Variants in ERP44 observed in about 807,000 individuals in gnomAD.
The protein encoded by ERP44 is endoplasmic reticulum resident protein 44.
In ERP44, 25 loss-of-function variants were observed where a neutral mutation model predicts 53.4. That is an observed-to-expected ratio of 0.47 (90% CI 0.34 to 0.65). The LOEUF (loss-of-function observed/expected upper bound fraction) is 0.65. Ranked by LOEUF, ERP44 falls within the 30% of genes least tolerant of loss-of-function variation. The probability of loss-of-function intolerance (pLI) is 0.01; values close to 1 mark genes in which losing one functional copy is unlikely to be tolerated. For missense variants in ERP44, 338 were observed against 493.2 expected (o/e 0.69, Z 2.98); for synonymous variants, 145 against 161.2 (o/e 0.90, Z 0.76).
At chr9:99,988,767 CCT>C (rs982872431) in intron 10 of ERP44, among the ~76,000 whole-genome samples, 21 of 152,222 alleles carry the variant, frequency 1.4e-4, no homozygotes, top group African/African-American at 4.3e-4. Context: ...GGGGGATTTA[CCT>C]TTCCTAGCCA....
chr9:100,030,003 A>G (rs961143478), intron 4 of ERP44, among the ~76,000 whole-genome samples: 2 of 152,224 alleles, frequency 1.3e-5, no homozygotes, highest in Non-Finnish European at 2.9e-5. Flanking sequence ...CGGGAGAATC[A>G]CTTGAACCCA....
intron 10 of ERP44, among the ~76,000 whole-genome samples, chr9:100,002,792 G>A (rs1830392013): frequency 6.6e-6 from 1 of 152,074 alleles, no homozygotes; most frequent in Non-Finnish European, 1.5e-5. Flanking sequence ...TTATGTGTTG[G>A]CGTAGTCTTT....
rs531446778 is a variant in ERP44, at chr9:100,064,357, G to A, written c.58-4185C>T. Among the ~76,000 whole-genome samples the A allele has an allele frequency of 1.2e-4, 18 of 152,300 alleles. No homozygotes were observed. The South Asian group carries it at 3.7e-3, about 32-fold the overall frequency. ...TAACACACTAAGAATTTAGAGAGAC[G>A]ATATTGGATATGAGAAGTAGGAGGA... On this transcript the variant is annotated intron_variant, in intron 1 of 11. Coordinates refer to ENST00000262455, the MANE Select transcript of ERP44 (RefSeq NM_015051.3).
At chr9:100,065,100 C>A (rs1459786693) in intron 1 of ERP44, among the ~76,000 whole-genome samples, 1 of 152,194 alleles carries the variant, frequency 6.6e-6, no homozygotes, top group Non-Finnish European at 1.5e-5. Flanking sequence ...TCATCACTCA[C>A]TGACTCACCC....
rs201339103 is a variant in ERP44, at chr9:99,985,030, A to G, written c.1056T>C (p.His352=). 7.4e-6 allele frequency: 12 copies of G among 1,613,654 alleles called. No individual in the cohort carries two copies. In the East Asian group the frequency reaches 2.7e-4, roughly 36 times the overall value. ...GKLKQFVFDL[H]SGKLHREFHH... is the part of the protein sequence containing the mutation. ...GGAATTCTCTGTGCAGTTTTCCAGA[A>G]TGTAAGTCAAATACGAATTGCTTGA... Residue 352 remains histidine, a synonymous_variant, in exon 11 of 12, where the codon CAT becomes CAC. Coordinates refer to ENST00000262455, the MANE Select transcript of ERP44 (RefSeq NM_015051.3).
chr9:100,089,955 C>A (rs1826532121), intron 1 of ERP44, among the ~76,000 whole-genome samples: 1 of 152,150 alleles, frequency 6.6e-6, no homozygotes, highest in Non-Finnish European at 1.5e-5. Context: ...AAATTAGGGT[C>A]TCTGAAACTG....
intron 1 of ERP44, among the ~76,000 whole-genome samples, chr9:100,062,993 G>A (rs1418634038): frequency 2.7e-5 from 4 of 146,982 alleles, no homozygotes; most frequent in East Asian, 2.0e-4. Flanking sequence ...TGGATCACTT[G>A]AACCCAGAAG....
At chr9:100,018,447 T>C in intron 6 of ERP44, 134 bp from the exon 7 acceptor site, 1 of 600,306 alleles carries the variant, frequency 1.7e-6, no homozygotes, top group East Asian at 2.7e-5. Flanking sequence ...AGTATACATT[T>C]AAAGAAAACG....
intron 1 of ERP44, among the ~76,000 whole-genome samples, chr9:100,089,922 G>C (rs1344428179): frequency 6.6e-6 from 1 of 152,110 alleles, no homozygotes; most frequent in Non-Finnish European, 1.5e-5. Context: ...TGGATAAGAG[G>C]GGACTACTGT....
intron 4 of ERP44, among the ~76,000 whole-genome samples, chr9:100,044,527 A>G (rs1010167214): frequency 2.6e-5 from 4 of 152,192 alleles, no homozygotes; most frequent in Non-Finnish European, 5.9e-5. Flanking sequence ...AGTTTCTAGA[A>G]GCCATCAAGT....
intron 1 of ERP44, among the ~76,000 whole-genome samples, chr9:100,068,339 TCAGCCCCCCGCCCGGCCAGCCGCCCCG>T (rs1826252139): frequency 2.6e-5 from 2 of 76,776 alleles, no homozygotes; most frequent in African/African-American, 1.1e-4. Context: ...GGTGGGGGGG[TCAGCCCCCCGCCCGGCCAGCCGCCCCG>T]TCCGGGAGGG....
At chr9:99,999,117 G>C (rs936300816) in intron 10 of ERP44, 67 of 623,528 alleles carry the variant, frequency 1.1e-4, no homozygotes, top group African/African-American at 1.0e-3. Flanking sequence ...TGGACACGGC[G>C]CACCTGAGGC....
At chr9:100,008,859 A>G (rs1294273782) in intron 8 of ERP44, among the ~76,000 whole-genome samples, 1 of 152,082 alleles carries the variant, frequency 6.6e-6, no homozygotes, top group East Asian at 1.9e-4. Context: ...CTCTCACCTC[A>G]GCCTCCCAAA....
Position 100,060,156 on chromosome 9 carries a change from G to A in ERP44, c.74C>T (p.Thr25Ile), listed in dbSNP as rs138512849. 8.9e-5 allele frequency: 133 copies of A among 1,493,300 alleles called. No homozygotes were observed. In the African/African-American group the frequency reaches 1.6e-3, roughly 18 times the overall value. The allele number at this position is 1,493,300 out of a possible 1,614,324, so 92.5% of individuals were successfully genotyped here. ...SLLLLVTWVF[T>I]PVTTEITSLD... is the part of the protein sequence containing the mutation. ...ACTTGTTATTTCAGTTGTTACAGGAGTAAAAACCCAAGTTACCTGAAAATT... is the reference window on the plus strand; with the variant it reads ...ACTTGTTATTTCAGTTGTTACAGGAATAAAAACCCAAGTTACCTGAAAATT... The change falls in exon 2 of 12, where the codon ACT becomes ATT. Residue 25 changes from threonine to isoleucine, a missense_variant. Physicochemically the swap from Thr to Ile is moderately conservative, Grantham distance 89. Coordinates refer to ENST00000262455, the MANE Select transcript of ERP44 (RefSeq NM_015051.3).
intron 10 of ERP44, among the ~76,000 whole-genome samples, chr9:99,987,383 G>A (rs539165290): frequency 2.4e-4 from 37 of 152,236 alleles, no homozygotes; most frequent in African/African-American, 8.4e-4. Context: ...GGGCAAAATT[G>A]TTCTAATTAG....
chr9:100,030,098 A>G (rs117032940), intron 4 of ERP44, among the ~76,000 whole-genome samples: 3,476 of 152,322 alleles, frequency 0.023, 55 homozygotes, highest in Non-Finnish European at 0.035. Context: ...AAAACAAAGA[A>G]AAAAGAAAAT....
intron 6 of ERP44, among the ~76,000 whole-genome samples, chr9:100,018,666 C>T (rs1329353791): frequency 6.6e-6 from 1 of 152,106 alleles, no homozygotes; most frequent in East Asian, 1.9e-4. Context: ...AAATATAGTT[C>T]CATAAATAAG....
At chr9:100,052,769 G>A (rs1370138704) in intron 3 of ERP44, among the ~76,000 whole-genome samples, 1 of 152,118 alleles carries the variant, frequency 6.6e-6, no homozygotes, top group Non-Finnish European at 1.5e-5. Context: ...TTCATCTTAA[G>A]ACAATTGCCA....
chr9:100,088,777 G>C (rs961988747), intron 1 of ERP44, among the ~76,000 whole-genome samples: 1 of 152,118 alleles, frequency 6.6e-6, no homozygotes, highest in African/African-American at 2.4e-5. Flanking sequence ...GCAGATCCAA[G>C]ATTTGGGCCC....
Sources: allele counts gnomAD v4.1 joint callset (sites outside exome capture counted in the v4.1 genomes callset), GRCh38; gene constraint gnomAD v4.1.1; transcripts MANE v1.5; gene names NCBI Gene and HGNC (gene_info 2026-07-23, HGNC 2026-07-21).